COL22A1: variants seen among roughly 807,000 people sequenced by gnomAD.
COL22A1 encodes collagen alpha-1(XXII) chain.
COL22A1 carries 221 observed loss-of-function variants against 248.9 expected under a neutral mutation model. The observed-to-expected ratio is 0.89, with a 90% CI of 0.80 to 0.99. The LOEUF (loss-of-function observed/expected upper bound fraction) is 0.99, where lower values mean the gene tolerates loss of function less well. COL22A1 is among the 50% of genes least tolerant of loss of function. COL22A1 has a pLI of 0.00. For synonymous variants in COL22A1, 891 were observed against 793.4 expected (o/e 1.12, Z -2.07); for missense variants, 2,240 against 2,179.0 (o/e 1.03, Z -0.56).
At chr8:138,856,670 G>C (rs1451902346) in intron 3 of COL22A1, among the ~76,000 whole-genome samples, 4 of 151,492 alleles carry the variant, frequency 2.6e-5, no homozygotes, top group South Asian at 4.2e-4. Flanking sequence ...GCAAGAGAGA[G>C]AGACAGGAGA....
chr8:138,600,346 G>A (rs994628671), intron 60 of COL22A1, among the ~76,000 whole-genome samples: 1 of 152,196 alleles, frequency 6.6e-6, no homozygotes, highest in Non-Finnish European at 1.5e-5. Context: ...TAAATGTGTG[G>A]CATGGCTGAG....
At chr8:138,897,554 A>ATAT (rs757500395) in intron 1 of COL22A1, among the ~76,000 whole-genome samples, 1 of 10,452 alleles carries the variant, frequency 9.6e-5, no homozygotes, top group Non-Finnish European at 2.9e-4. Flanking sequence ...TCTCAAAGTA[A>ATAT]TAATAATAAT....
chr8:138,632,242 T>A (rs983298063), intron 49 of COL22A1, among the ~76,000 whole-genome samples: 1 of 152,214 alleles, frequency 6.6e-6, no homozygotes, highest in Non-Finnish European at 1.5e-5. Flanking sequence ...CCTGAGCCCA[T>A]ATCCCATTTC....
intron 53 of COL22A1, among the ~76,000 whole-genome samples, chr8:138,618,056 G>A (rs979121860): frequency 1.3e-5 from 2 of 152,132 alleles, no homozygotes; most frequent in Non-Finnish European, 2.9e-5. Flanking sequence ...ATCTAATCAT[G>A]ACAAAAGCAC....
rs768819909 is a variant in COL22A1 at position 138,594,123 on chromosome 8, C to T, written c.4509G>A (p.Gly1503=). The part of the protein sequence containing the change: ...KSSQGRPGPP[G]PPGKDGLPGR... ...CTGGAAGCCCATCTTTTCCAGGGGG[C>T]CCTGGGGGCCCAGGTCTGCCTTGAG... The change falls in exon 63 of 65, where the codon GGG becomes GGA. Residue 1503 remains glycine, a synonymous_variant. Coordinates refer to ENST00000303045, the MANE Select transcript of COL22A1 (RefSeq NM_152888.3). 1.9e-6 allele frequency: 3 copies of T among 1,577,604 alleles called. No individual in the cohort carries two copies. The African/African-American group carries it at 4.2e-5, about 22-fold the overall frequency.
rs113555273 is a variant in COL22A1 at position 138,775,405 on chromosome 8, T to C, written c.1803+561A>G. ...TTCCACTGTTACCTGGCAGCAGTCA[T>C]GAAGGAGCCTCCACCTAGGCCTCCT... is the stretch of plus-strand genomic sequence containing the variant. On this transcript the variant is annotated intron_variant, in intron 16 of 64. Coordinates refer to ENST00000303045, the MANE Select transcript of COL22A1 (RefSeq NM_152888.3). 8.8e-3 allele frequency among the ~76,000 whole-genome samples: 1,334 copies of C among 152,266 alleles called. 27 individuals carry two copies. Among genetic ancestry groups the C allele is most frequent in the African/African-American group, 0.03 (1,235 of 41,552 alleles).
intron 46 of COL22A1, 84 bp from the exon 47 acceptor site, chr8:138,646,766 C>A: frequency 1.0e-6 from 1 of 970,582 alleles, no homozygotes; most frequent in Non-Finnish European, 1.5e-6. Context: ...CCATCAGCCT[C>A]GTACCTCCCT....
chr8:138,734,370 T>C (rs540972667), intron 23 of COL22A1, among the ~76,000 whole-genome samples: 2 of 152,310 alleles, frequency 1.3e-5, no homozygotes, highest in South Asian at 4.1e-4. Flanking sequence ...TGGTACCCAG[T>C]GCGTACTTAA....
intron 22 of COL22A1, among the ~76,000 whole-genome samples, chr8:138,750,388 C>T (rs1007986541): frequency 8.5e-5 from 13 of 152,244 alleles, no homozygotes; most frequent in East Asian, 5.8e-4. Flanking sequence ...AACCAAAGAT[C>T]GAAGTTAACC....
At chr8:138,629,706 T>C (rs1324603595) in intron 50 of COL22A1, among the ~76,000 whole-genome samples, 1 of 152,212 alleles carries the variant, frequency 6.6e-6, no homozygotes, top group Admixed American at 6.5e-5. Flanking sequence ...CCGTATGACT[T>C]TGACCAAGTG....
At chr8:138,638,443 G>A (rs141550214) in intron 47 of COL22A1, among the ~76,000 whole-genome samples, 472 of 152,108 alleles carry the variant, frequency 3.1e-3, no homozygotes, top group African/African-American at 0.01. Context: ...TCCTTCAGGG[G>A]GTCCAGTGCC....
intron 23 of COL22A1, among the ~76,000 whole-genome samples, chr8:138,729,105 G>T (rs1293987276): frequency 6.6e-6 from 1 of 152,140 alleles, no homozygotes; most frequent in African/African-American, 2.4e-5. Context: ...GCCCTCCACT[G>T]GCCATGGGAG....
At chr8:138,605,537 AG>A (rs1426598441) in intron 58 of COL22A1, among the ~76,000 whole-genome samples, 1 of 152,166 alleles carries the variant, frequency 6.6e-6, no homozygotes, top group Admixed American at 6.5e-5. Context: ...ATGGTAGAGA[AG>A]GGTAAGAGGG....
intron 41 of COL22A1, among the ~76,000 whole-genome samples, chr8:138,664,212 C>CGCGT (rs1824281322): frequency 3.6e-5 from 1 of 27,692 alleles, no homozygotes; most frequent in Admixed American, 3.4e-4. Context: ...CGCGCGCGCA[C>CGCGT]ACACACACAC....
At chr8:138,770,643 A>G (rs1834284555) in intron 16 of COL22A1, among the ~76,000 whole-genome samples, 1 of 152,260 alleles carries the variant, frequency 6.6e-6, no homozygotes, top group South Asian at 2.1e-4. Flanking sequence ...TCTTGCTGAT[A>G]TAAGAAATCA....
intron 35 of COL22A1, among the ~76,000 whole-genome samples, chr8:138,691,899 TGTGTGC>T (rs1826986512): frequency 1.1e-5 from 1 of 90,500 alleles, no homozygotes; most frequent in African/African-American, 3.7e-5. Flanking sequence ...TGGAGGTGTA[TGTGTGC>T]ACGTGCATGT....
intron 30 of COL22A1, among the ~76,000 whole-genome samples, chr8:138,704,457 G>C (rs1828239908): frequency 6.6e-6 from 1 of 152,188 alleles, no homozygotes; most frequent in African/African-American, 2.4e-5. Context: ...AGCAACATTT[G>C]CTGTTCTGCA....
chr8:138,755,833 C>T lies in COL22A1; in HGVS notation c.1903-4G>A, dbSNP rs772613475. ...GCCCCGCAGGTCCCACGTCACCCTG[C>T]ACAGAAACGACAAACATTTCAGCAT... On this transcript the variant is annotated splice_polypyrimidine_tract_variant and splice_region_variant and intron_variant, in intron 18 of 64. Transcript: ENST00000303045. 1.9e-6 allele frequency: 3 copies of T among 1,613,796 alleles called. No individual in the cohort carries two copies. The highest frequency in any genetic ancestry group is 2.7e-5 in the African/African-American group (2 of 74,908).
chr8:138,724,538 C>T (rs1830149203), intron 25 of COL22A1, 77 bp downstream of exon 25: 1 of 1,438,694 alleles, frequency 7.0e-7, no homozygotes. Context: ...TCTGGGCCAG[C>T]TGCAAGGGCT....
Sources: gnomAD v4.1 joint callset for allele counts (sites outside exome capture counted in the v4.1 genomes callset) on GRCh38, gnomAD v4.1.1 for gene constraint, MANE v1.5 for transcripts, NCBI Gene and HGNC (gene_info 2026-07-23, HGNC 2026-07-21) for gene names.